Variants in FBXW7 observed in about 807,000 individuals in gnomAD.
FBXW7 encodes F-box and WD repeat domain containing 7.
A neutral mutation model predicts 86.3 loss-of-function variants in FBXW7; 11 were observed. The ratio of observed to expected loss-of-function variants is 0.13; its 90% CI spans 0.08 to 0.21. FBXW7 has a LOEUF of 0.21. Among genes scored for constraint, FBXW7 ranks in the 10% least tolerant of loss-of-function variants. The probability of loss-of-function intolerance (pLI) is 1.00; values close to 1 mark genes in which losing one functional copy is unlikely to be tolerated. For missense variants in FBXW7, 488 were observed against 847.4 expected (o/e 0.58, Z 5.27); for synonymous variants, 313 against 297.9 (o/e 1.05, Z -0.52).
intron 4 of FBXW7, among the ~76,000 whole-genome samples, chr4:152,404,436 G>T (rs1484160268): frequency 2.6e-5 from 4 of 152,062 alleles, no homozygotes; most frequent in African/African-American, 9.7e-5. Context: ...AACTTCTTCT[G>T]ATCTTTTTCT....
chr4:152,355,159 A>C (rs1276934029), intron 4 of FBXW7, among the ~76,000 whole-genome samples: 1 of 152,128 alleles, frequency 6.6e-6, no homozygotes, highest in Non-Finnish European at 1.5e-5. Flanking sequence ...CTATTATATT[A>C]CTGTCATCAT....
At chr4:152,517,826 T>C (rs1012394007) in intron 2 of FBXW7, among the ~76,000 whole-genome samples, 2 of 152,128 alleles carry the variant, frequency 1.3e-5, no homozygotes, top group African/African-American at 2.4e-5. Flanking sequence ...CTGTAGTAGA[T>C]TATGTCAGAG....
rs138477494 is a variant in FBXW7 at position 152,411,344 on chromosome 4, C to T, written c.460G>A (p.Val154Ile). 145 of 1,611,864 alleles carry T rather than the reference C, an allele frequency of 9.0e-5. No homozygotes were observed. The highest frequency in any genetic ancestry group is 1.1e-4 in the Non-Finnish European group (127 of 1,178,920). ...TAGAATGGGGAGGAGAGTTGGTGAA[C>T]GGGCAGGTCCACAATACTACTGGAG... ...TNSSSIVDLPVHQLSSPFYTK... is the reference protein window; with the variant it reads ...TNSSSIVDLPIHQLSSPFYTK... The change falls in exon 4 of 14, where the codon GTT (valine) becomes ATT (isoleucine). Residue 154 changes from valine to isoleucine, a missense_variant. This residue lies in a region of FBXW7 where 230 missense variants were observed against 240.0 expected (regional missense o/e 0.96). Coordinates refer to ENST00000281708, the MANE Select transcript of FBXW7 (RefSeq NM_001349798.2).
At chr4:152,401,930 AC>A (rs540343722) in intron 4 of FBXW7, among the ~76,000 whole-genome samples, 26 of 152,204 alleles carry the variant, frequency 1.7e-4, no homozygotes, top group Non-Finnish European at 3.1e-4. Flanking sequence ...TAATTCAAAG[AC>A]AAGGTTTCCT....
intron 2 of FBXW7, among the ~76,000 whole-genome samples, chr4:152,515,692 T>C (rs747839513): frequency 1.3e-5 from 2 of 150,042 alleles, no homozygotes; most frequent in Admixed American, 6.6e-5. Flanking sequence ...AACACAACAG[T>C]AGAAAATAAA....
At position 152,478,839 on chromosome 4, in the gene FBXW7, A is replaced by G. The variant is rs148612189; in HGVS notation, c.-120+56102T>C. 2.3e-3 allele frequency among the ~76,000 whole-genome samples: 352 copies of G among 152,180 alleles called. 1 individual carries two copies. The highest frequency in any genetic ancestry group is 0.01 in the Middle Eastern group (3 of 294). On this transcript the variant is annotated intron_variant, in intron 2 of 13. Coordinates refer to ENST00000281708, the MANE Select transcript of FBXW7 (RefSeq NM_001349798.2). ...GACTCTTCATATGTGTTTATTGGCC[A>G]TTTTATATCTTCTTTGGAGAAATAT...
chr4:152,428,399 T>G (rs562447776), intron 2 of FBXW7, among the ~76,000 whole-genome samples: 3 of 152,344 alleles, frequency 2.0e-5, no homozygotes, highest in Non-Finnish European at 4.4e-5. Context: ...TTTTTATTTC[T>G]AATAAATATT....
intron 2 of FBXW7, among the ~76,000 whole-genome samples, chr4:152,531,503 T>C (rs1321089180): frequency 6.6e-6 from 1 of 151,102 alleles, no homozygotes; most frequent in Non-Finnish European, 1.5e-5. Context: ...CAATACTAAA[T>C]GCAAGCCGCA....
chr4:152,485,407 T>C (rs1467831781), intron 2 of FBXW7, among the ~76,000 whole-genome samples: 1 of 152,174 alleles, frequency 6.6e-6, no homozygotes, highest in Non-Finnish European at 1.5e-5. Context: ...GAGATTATTA[T>C]TAGTAGTGGT....
intron 4 of FBXW7, among the ~76,000 whole-genome samples, chr4:152,399,479 A>G (rs906932244): frequency 5.3e-5 from 8 of 152,330 alleles, no homozygotes; most frequent in Non-Finnish European, 1.2e-4. Context: ...AAGCACAAAG[A>G]CAAGAAAAGG....
At chr4:152,464,434 A>G (rs541897532) in intron 2 of FBXW7, among the ~76,000 whole-genome samples, 2 of 152,338 alleles carry the variant, frequency 1.3e-5, no homozygotes, top group Non-Finnish European at 2.9e-5. Context: ...TAAAATATGA[A>G]ATGAAAAAGG....
At chr4:152,454,260 C>G (rs1024480104) in intron 2 of FBXW7, among the ~76,000 whole-genome samples, 20 of 131,424 alleles carry the variant, frequency 1.5e-4, no homozygotes, top group Admixed American at 3.0e-4. Context: ...AGCCCCCCCC[C>G]CCTTTTTTTT....
chr4:152,434,686 C>A (rs974248181), intron 2 of FBXW7, among the ~76,000 whole-genome samples: 2 of 152,138 alleles, frequency 1.3e-5, no homozygotes, highest in African/African-American at 4.8e-5. Context: ...AAGGTGACTT[C>A]CTTACCAGCA....
At chr4:152,420,559 T>C (rs1738845234) in intron 2 of FBXW7, among the ~76,000 whole-genome samples, 1 of 152,204 alleles carries the variant, frequency 6.6e-6, no homozygotes, top group African/African-American at 2.4e-5. Context: ...TTAAGAAATA[T>C]ATTTTTTAAA....
chr4:152,469,642 G>A (rs966899060), intron 2 of FBXW7, among the ~76,000 whole-genome samples: 2 of 152,062 alleles, frequency 1.3e-5, no homozygotes, highest in East Asian at 1.9e-4. Context: ...AAAATCTCAA[G>A]TAGGGGAAAT....
chr4:152,379,632 C>T (rs938032870), intron 4 of FBXW7, among the ~76,000 whole-genome samples: 1 of 152,132 alleles, frequency 6.6e-6, no homozygotes, highest in Non-Finnish European at 1.5e-5. Flanking sequence ...AATCCTCCTA[C>T]CTTGGCCCCC....
intron 2 of FBXW7, among the ~76,000 whole-genome samples, chr4:152,459,740 G>A (rs1742769511): frequency 6.6e-6 from 1 of 152,010 alleles, no homozygotes; most frequent in Non-Finnish European, 1.5e-5. Flanking sequence ...TGTAAATTGG[G>A]CAAAGTAAAA....
intron 2 of FBXW7, 24 bp from the exon 3 acceptor site, chr4:152,412,553 T>C (rs1467562907): frequency 6.6e-6 from 1 of 151,962 alleles, no homozygotes; most frequent in African/African-American, 2.4e-5. Flanking sequence ...AAAAAATTTA[T>C]ACAGAGGATG....
At chr4:152,526,966 A>C (rs543645645) in intron 2 of FBXW7, among the ~76,000 whole-genome samples, 153 of 152,374 alleles carry the variant, frequency 1.0e-3, no homozygotes, top group Middle Eastern at 3.4e-3. Context: ...TGTCAAACTC[A>C]AGTGTTGAAT....
Sources: allele counts gnomAD v4.1 joint callset (sites outside exome capture counted in the v4.1 genomes callset), GRCh38; gene constraint gnomAD v4.1.1; regional missense constraint gnomAD v4.1.1; transcripts MANE v1.5; gene names NCBI Gene and HGNC (gene_info 2026-07-23, HGNC 2026-07-21).